The following TUSC3 variants were observed in gnomAD, a reference collection of about 807,000 sequenced individuals.
TUSC3 encodes tumor suppressor candidate 3.
Under a neutral mutation model 44.8 loss-of-function variants are expected in TUSC3, and 45 were observed. That is an observed-to-expected ratio of 1.00 (90% CI 0.79 to 1.29). The LOEUF (loss-of-function observed/expected upper bound fraction) is 1.29, where lower values mean the gene tolerates loss of function less well. Ranked by LOEUF, TUSC3 falls within the 50% of genes most tolerant of loss-of-function variation. The probability of loss-of-function intolerance (pLI) is 0.00; values close to 1 mark genes in which losing one functional copy is unlikely to be tolerated. For synonymous variants in TUSC3, 212 were observed against 152.9 expected, an observed-to-expected ratio of 1.39 and a Z score of -2.85; for missense variants, 519 against 437.9, an observed-to-expected ratio of 1.19 and a Z score of -1.65.
intron 1 of TUSC3, among the ~76,000 whole-genome samples, chr8:15,609,060 T>G (rs2129158028): frequency 6.6e-6 from 1 of 152,312 alleles, no homozygotes; most frequent in Admixed American, 6.5e-5. Context: ...TTCTGTTGGA[T>G]TCTATTGAAT....
At chr8:15,735,503 C>CCAAT (rs1459515922) in intron 7 of TUSC3, among the ~76,000 whole-genome samples, 1 of 152,070 alleles carries the variant, frequency 6.6e-6, no homozygotes, top group Non-Finnish European at 1.5e-5. Flanking sequence ...GATCATAAAG[C>CCAAT]CAATCAGTTG....
intron 2 of TUSC3, among the ~76,000 whole-genome samples, chr8:15,490,464 C>G (rs1395159102): frequency 1.3e-5 from 2 of 152,166 alleles, no homozygotes; most frequent in African/African-American, 4.8e-5. Flanking sequence ...CCAGCAGCCC[C>G]TCCCATTGGG....
chr8:15,564,198 A>G (rs954770110), intron 1 of TUSC3, among the ~76,000 whole-genome samples: 2 of 152,092 alleles, frequency 1.3e-5, no homozygotes, highest in African/African-American at 2.4e-5. Flanking sequence ...CTTCGTAACA[A>G]TGGGGATGGA....
chr8:15,749,223 C>A (rs952988651), intron 9 of TUSC3, among the ~76,000 whole-genome samples: 1 of 152,064 alleles, frequency 6.6e-6, no homozygotes, highest in East Asian at 1.9e-4. Context: ...ATTTTGAAGA[C>A]TCTGGTTAGG....
intron 1 of TUSC3, among the ~76,000 whole-genome samples, chr8:15,469,017 CAA>C (rs1317088041): frequency 2.6e-5 from 4 of 151,614 alleles, no homozygotes; most frequent in Non-Finnish European, 5.9e-5. Context: ...GCATGCCACA[CAA>C]ATTCTCTCAG....
intron 2 of TUSC3, among the ~76,000 whole-genome samples, chr8:15,525,951 A>G (rs1801367938): frequency 6.6e-6 from 1 of 152,134 alleles, no homozygotes; most frequent in South Asian, 2.1e-4. Flanking sequence ...GTTTAAATTT[A>G]ATTATTTTGG....
chr8:15,584,965 A>G (rs1212457141), intron 1 of TUSC3, among the ~76,000 whole-genome samples: 1 of 152,212 alleles, frequency 6.6e-6, no homozygotes, highest in Non-Finnish European at 1.5e-5. Context: ...TGATATACAG[A>G]TATATATTAC....
At chr8:15,802,514 C>T in the TUSC3 span, among the ~76,000 whole-genome samples, 10 of 152,210 alleles carry the variant, frequency 6.6e-5, no homozygotes, top group South Asian at 6.2e-4. Context: ...CTCTGCCTCC[C>T]GGGTTCAAGT....
intron 2 of TUSC3, among the ~76,000 whole-genome samples, chr8:15,510,049 T>C (rs1172309782): frequency 6.6e-6 from 1 of 152,074 alleles, no homozygotes; most frequent in Non-Finnish European, 1.5e-5. Context: ...GGTGCACAAC[T>C]GTAGTCCTAG....
At chr8:15,523,762 A>G (rs948096689) in intron 2 of TUSC3, among the ~76,000 whole-genome samples, 1 of 147,242 alleles carries the variant, frequency 6.8e-6, no homozygotes, top group Admixed American at 6.8e-5. Context: ...GATAAATTAG[A>G]AAGTAAAAAT....
At chr8:15,641,420 T>C (rs1806365585) in intron 2 of TUSC3, among the ~76,000 whole-genome samples, 1 of 142,924 alleles carries the variant, frequency 7.0e-6, no homozygotes, top group African/African-American at 2.6e-5. Flanking sequence ...TTCACAGAAA[T>C]CCTATATCAA....
At chr8:15,755,783 AT>A (rs1811904323) in intron 9 of TUSC3, among the ~76,000 whole-genome samples, 1 of 152,184 alleles carries the variant, frequency 6.6e-6, no homozygotes, top group Non-Finnish European at 1.5e-5. Context: ...AAGAAATATG[AT>A]TTCAGTAGTA....
At chr8:15,798,618 G>T in the TUSC3 span, among the ~76,000 whole-genome samples, 1 of 146,678 alleles carries the variant, frequency 6.8e-6, no homozygotes, top group Non-Finnish European at 1.5e-5. Flanking sequence ...CTGCAAATTT[G>T]TTCATCCCAG....
intron 2 of TUSC3, among the ~76,000 whole-genome samples, chr8:15,533,599 A>G (rs1801479723): frequency 6.6e-6 from 1 of 152,160 alleles, no homozygotes; most frequent in African/African-American, 2.4e-5. Context: ...CTTATTTTGG[A>G]ACTGTAAGAG....
chr8:15,454,248 A>G (rs956515692), intron 1 of TUSC3, among the ~76,000 whole-genome samples: 2 of 152,146 alleles, frequency 1.3e-5, no homozygotes, highest in Non-Finnish European at 2.9e-5. Flanking sequence ...GCCCTCTTCC[A>G]AGTGTACTTT....
At chr8:15,760,804 T>A (rs1043916753) in intron 10 of TUSC3, among the ~76,000 whole-genome samples, 1 of 152,168 alleles carries the variant, frequency 6.6e-6, no homozygotes, top group Non-Finnish European at 1.5e-5. Context: ...AACTCCCGGT[T>A]TAGCCATGCT....
the TUSC3 span, among the ~76,000 whole-genome samples, chr8:15,830,146 G>T: frequency 6.7e-6 from 1 of 148,920 alleles, no homozygotes; most frequent in African/African-American, 2.5e-5. Flanking sequence ...AGGTTGTTAG[G>T]TTTTTTTTTT....
intron 1 of TUSC3, among the ~76,000 whole-genome samples, chr8:15,565,746 C>G (rs905091720): frequency 1.3e-5 from 2 of 152,110 alleles, no homozygotes; most frequent in Non-Finnish European, 2.9e-5. Flanking sequence ...ATACAAAGCT[C>G]TTTCCCTATA....
chr8:15,786,146 A>G, the TUSC3 span, among the ~76,000 whole-genome samples: 3 of 152,218 alleles, frequency 2.0e-5, no homozygotes, highest in East Asian at 5.8e-4. Flanking sequence ...ACTATACTCC[A>G]GTTTAAGATG....
Sources: allele counts gnomAD v4.1 joint callset (sites outside exome capture counted in the v4.1 genomes callset), GRCh38; gene constraint gnomAD v4.1.1; transcripts MANE v1.5; gene names NCBI Gene and HGNC (gene_info 2026-07-23, HGNC 2026-07-21).